Variants in FAM114A1 observed in about 807,000 individuals in gnomAD.
The protein encoded by FAM114A1 is family with sequence similarity 114 member A1.
Under a neutral mutation model 64.3 loss-of-function variants are expected in FAM114A1, and 62 were observed. The observed-to-expected ratio is 0.96, with a 90% CI of 0.79 to 1.19. The LOEUF (loss-of-function observed/expected upper bound fraction) is 1.19. Ranked by LOEUF, FAM114A1 falls within the 50% of genes most tolerant of loss-of-function variation. The pLI is 0.00. For synonymous variants in FAM114A1, 254 were observed against 251.1 expected (o/e 1.01, Z -0.11); for missense variants, 645 against 676.3 (o/e 0.95, Z 0.51).
chr4:38,924,093 T>C (rs188172085), intron 9 of FAM114A1, among the ~76,000 whole-genome samples: 1 of 152,350 alleles, frequency 6.6e-6, no homozygotes, highest in Admixed American at 6.5e-5. Flanking sequence ...ATTTTCTTGC[T>C]ATATGGCGTT....
chr4:38,874,539 T>G (rs1192086039), intron 2 of FAM114A1, among the ~76,000 whole-genome samples: 1 of 152,232 alleles, frequency 6.6e-6, no homozygotes, highest in Non-Finnish European at 1.5e-5. Flanking sequence ...CTTGTTGATT[T>G]AAGTTCCTTA....
chr4:38,908,500 T>C, intron 6 of FAM114A1, 92 bp from the exon 7 acceptor site: 7 of 1,261,144 alleles, frequency 5.6e-6, no homozygotes, highest in Non-Finnish European at 6.5e-6. Context: ...GATTTTAATA[T>C]TTGAAGATAG....
intron 12 of FAM114A1, among the ~76,000 whole-genome samples, chr4:38,932,602 C>T (rs1355122390): frequency 3.3e-5 from 5 of 152,054 alleles, no homozygotes; most frequent in African/African-American, 1.2e-4. Context: ...GCTCACGTGA[C>T]CCTCCTGCCT....
At chr4:38,882,312 C>T (rs1271257429) in intron 3 of FAM114A1, among the ~76,000 whole-genome samples, 2 of 110,790 alleles carry the variant, frequency 1.8e-5, no homozygotes, top group African/African-American at 7.4e-5. Flanking sequence ...GAGCGAGACT[C>T]CGTCTCAAAA....
At chr4:38,940,865 C>T in intron 13 of FAM114A1, 103 bp from the exon 14 acceptor site, 1 of 1,217,660 alleles carries the variant, frequency 8.2e-7, no homozygotes. Flanking sequence ...CCTCCTCTTC[C>T]TCTGCAAGAG....
intron 7 of FAM114A1, among the ~76,000 whole-genome samples, chr4:38,909,220 G>A (rs1473720960): frequency 1.3e-5 from 2 of 152,208 alleles, no homozygotes; most frequent in Admixed American, 1.3e-4. Flanking sequence ...CTGTGCCTCA[G>A]CTTACTCATC....
Position 38,905,560 on chromosome 4 carries a change from A to G in FAM114A1, c.475A>G (p.Thr159Ala), listed in dbSNP as rs769373805. Reference sequence around the variant, plus strand: ...GGCAGTCAAGGAAAAAGCAGGAGCCACTCTACGGATTCATGGTGTAAATTC... The same window carrying G: ...GGCAGTCAAGGAAAAAGCAGGAGCCGCTCTACGGATTCATGGTGTAAATTC... The part of the protein sequence containing the change: ...LTAVKEKAGA[T>A]LRIHGVNSGS... Residue 159 changes from threonine (T) to alanine (A), a missense_variant, in exon 5 of 15, where the codon ACT (threonine) becomes GCT (alanine). Thr to Ala is a moderately conservative substitution (Grantham distance 58, BLOSUM62 0). Transcript: ENST00000358869. The G allele has an allele frequency of 3.1e-6, 5 of 1,614,038 alleles. No homozygotes were observed. In the African/African-American group the frequency reaches 5.3e-5, roughly 17 times the overall value.
At position 38,870,366 on chromosome 4, in the gene FAM114A1, G is replaced by C. The variant is rs1164485650; in HGVS notation, c.-9+1820G>C. Among the ~76,000 whole-genome samples the C allele has an allele frequency of 3.3e-5, 5 of 152,176 alleles. No individual in the cohort carries two copies. The East Asian group carries it at 7.7e-4, about 23-fold the overall frequency. ...GTTCAGGCACATCTGTCCTTGATTTGCTGTGCTGTTTTGCATCACTTTTTA... is the reference window on the plus strand; with the variant it reads ...GTTCAGGCACATCTGTCCTTGATTTCCTGTGCTGTTTTGCATCACTTTTTA... On this transcript the variant is annotated intron_variant, in intron 2 of 14. Transcript: ENST00000358869.
chr4:38,899,535 T>C (rs1717302676), intron 4 of FAM114A1, among the ~76,000 whole-genome samples: 2 of 152,202 alleles, frequency 1.3e-5, no homozygotes, highest in Non-Finnish European at 2.9e-5. Flanking sequence ...GCACTATCTG[T>C]GTGTGCTGAG....
intron 3 of FAM114A1, 81 bp from the exon 4 acceptor site, chr4:38,891,662 T>C: frequency 8.1e-7 from 1 of 1,235,898 alleles, no homozygotes; most frequent in Non-Finnish European, 1.1e-6. Context: ...CCAAACCTCC[T>C]CTTTGTTTCA....
chr4:38,917,616 A>G (rs1719195405), intron 8 of FAM114A1, among the ~76,000 whole-genome samples: 2 of 152,194 alleles, frequency 1.3e-5, no homozygotes, highest in Admixed American at 1.3e-4. Context: ...GTTATTAAAA[A>G]TATCACAGGG....
chr4:38,888,773 A>G (rs997525916), intron 3 of FAM114A1, among the ~76,000 whole-genome samples: 2 of 151,990 alleles, frequency 1.3e-5, no homozygotes, highest in African/African-American at 4.8e-5. Context: ...GTTATGGGGG[A>G]AGGGTGAGAA....
chr4:38,926,975 G>A (rs1330541870), intron 9 of FAM114A1, among the ~76,000 whole-genome samples: 1 of 152,144 alleles, frequency 6.6e-6, no homozygotes, highest in Non-Finnish European at 1.5e-5. Context: ...GCTTGTTGTG[G>A]CTTCGTCATG....
At chr4:38,901,009 TAA>T (rs1327904418) in intron 4 of FAM114A1, among the ~76,000 whole-genome samples, 1 of 152,124 alleles carries the variant, frequency 6.6e-6, no homozygotes, top group African/African-American at 2.4e-5. Flanking sequence ...ATGGGATTTT[TAA>T]AAGTCTCTTT....
chr4:38,908,835 C>A, intron 7 of FAM114A1, 109 bp downstream of exon 7: 1 of 1,121,588 alleles, frequency 8.9e-7, no homozygotes, highest in Non-Finnish European at 1.2e-6. Flanking sequence ...AATCAAATGA[C>A]ACCAAAGAGC....
At chr4:38,891,694 T>A in intron 3 of FAM114A1, 49 bp from the exon 4 acceptor site, 1 of 1,502,174 alleles carries the variant, frequency 6.7e-7, no homozygotes, top group Non-Finnish European at 9.0e-7. Context: ...GTTTTTCCAT[T>A]CAGAGATATA....
chr4:38,899,958 ACT>A (rs1717348036), intron 4 of FAM114A1, among the ~76,000 whole-genome samples: 1 of 151,960 alleles, frequency 6.6e-6, no homozygotes, highest in African/African-American at 2.4e-5. Flanking sequence ...AAGCTCATAC[ACT>A]CTATTGCTTA....
intron 4 of FAM114A1, among the ~76,000 whole-genome samples, chr4:38,895,009 G>A (rs1716777938): frequency 6.6e-6 from 1 of 152,182 alleles, no homozygotes; most frequent in South Asian, 2.1e-4. Context: ...CACTATGCTT[G>A]TACATAATGG....
rs1720626574 is a variant in FAM114A1 at position 38,931,463 on chromosome 4, G to T, written c.1174G>T (p.Ala392Ser). The T allele has an allele frequency of 6.2e-7, 1 of 1,613,084 alleles. No individual in the cohort carries two copies. Among genetic ancestry groups the T allele is most frequent in the Non-Finnish European group, 8.5e-7 (1 of 1,179,752 alleles). ...GGGACCTCTGCAGGCCATGAAGAGGGCTCATGACTGGGTGGAAGAGGATCA... is the reference window on the plus strand; with the variant it reads ...GGGACCTCTGCAGGCCATGAAGAGGTCTCATGACTGGGTGGAAGAGGATCA... ...PDKLNKAMKR[A>S]HDWVEEDQTV... Residue 392 changes from alanine (A) to serine (S), a missense_variant, in exon 11 of 15, where the codon GCT (alanine) becomes TCT (serine). Coordinates refer to ENST00000358869, the MANE Select transcript of FAM114A1 (RefSeq NM_138389.4).
Sources: allele counts gnomAD v4.1 joint callset (sites outside exome capture counted in the v4.1 genomes callset), GRCh38; gene constraint gnomAD v4.1.1; transcripts MANE v1.5; gene names NCBI Gene and HGNC (gene_info 2026-07-23, HGNC 2026-07-21).